The following ACVR1 variants were observed in gnomAD, a reference collection of about 807,000 sequenced individuals.
The protein encoded by ACVR1 is activin receptor type-1.
In ACVR1, 38 loss-of-function variants were observed where a neutral mutation model predicts 57.1. The ratio of observed to expected loss-of-function variants is 0.67; its 90% CI spans 0.51 to 0.87. The LOEUF (loss-of-function observed/expected upper bound fraction) is 0.87. ACVR1 is among the 40% of genes least tolerant of loss of function. The pLI, the probability that ACVR1 is intolerant of heterozygous loss-of-function variation, is 0.00. For missense variants in ACVR1, 463 were observed against 638.2 expected (o/e 0.73, Z 2.96); for synonymous variants, 212 against 228.1 (o/e 0.93, Z 0.63).
chr2:157,827,482 T>C (rs77478108), intron 1 of ACVR1, among the ~76,000 whole-genome samples: 1,627 of 152,344 alleles, frequency 0.011, 29 homozygotes, highest in African/African-American at 0.037. Flanking sequence ...ATGAATTGTA[T>C]AAGTGTTTGC....
chr2:157,800,568 T>A (rs924940386), intron 2 of ACVR1, among the ~76,000 whole-genome samples: 1 of 152,188 alleles, frequency 6.6e-6, no homozygotes, highest in Non-Finnish European at 1.5e-5. Context: ...TCACTTAAAT[T>A]TATTTCTCTT....
chr2:157,805,820 C>CTTTTTTTTTTTTTTTT (rs1222482675), intron 2 of ACVR1, among the ~76,000 whole-genome samples: 1 of 30,178 alleles, frequency 3.3e-5, no homozygotes, highest in African/African-American at 5.4e-5. Context: ...TTTCTTTTTT[C>CTTTTTTTTTTTTTTTT]TTTTTTTTTT....
intron 3 of ACVR1, among the ~76,000 whole-genome samples, chr2:157,794,726 C>T (rs1425874672): frequency 2.0e-5 from 3 of 152,120 alleles, no homozygotes; most frequent in Non-Finnish European, 4.4e-5. Context: ...ATATCTGGTG[C>T]ATTTTAAGCA....
chr2:157,857,148 T>C (rs997679174), intron 1 of ACVR1, among the ~76,000 whole-genome samples: 1 of 152,070 alleles, frequency 6.6e-6, no homozygotes, highest in Non-Finnish European at 1.5e-5. Context: ...CAGTGAGCCA[T>C]GATTGTGCCA....
At chr2:157,785,863 T>C (rs1214962707) in intron 3 of ACVR1, among the ~76,000 whole-genome samples, 1 of 152,180 alleles carries the variant, frequency 6.6e-6, no homozygotes, top group Non-Finnish European at 1.5e-5. Context: ...TCCCATTCAT[T>C]CAGATACACA....
rs183790503 is a variant in ACVR1, at chr2:157,842,151, A to G, written c.-182-23592T>C. On this transcript the variant is annotated intron_variant, in intron 1 of 10. Transcript: ENST00000434821. Reference sequence around the variant, plus strand: ...TACAATCACTGTCAAAAGAAAAAGTAGAACCCCCAACAGTCCAATACTGAA... The same window carrying G: ...TACAATCACTGTCAAAAGAAAAAGTGGAACCCCCAACAGTCCAATACTGAA... 2.8e-3 allele frequency among the ~76,000 whole-genome samples: 424 copies of G among 152,260 alleles called. 1 individual carries two copies. The highest frequency in any genetic ancestry group is 9.4e-3 in the African/African-American group (390 of 41,556).
chr2:157,761,553 A>G (rs1037490608), intron 8 of ACVR1, among the ~76,000 whole-genome samples: 4 of 152,248 alleles, frequency 2.6e-5, no homozygotes, highest in African/African-American at 9.6e-5. Context: ...GATTGCTATA[A>G]GCACTGCTTT....
At chr2:157,797,284 C>A (rs1687158521) in intron 3 of ACVR1, among the ~76,000 whole-genome samples, 1 of 152,130 alleles carries the variant, frequency 6.6e-6, no homozygotes, top group Non-Finnish European at 1.5e-5. Context: ...GTATAATATT[C>A]TAAGTACTGA....
chr2:157,737,751 T>C, intron 10 of ACVR1, 86 bp from the exon 11 acceptor site: 2 of 1,546,992 alleles, frequency 1.3e-6, no homozygotes, highest in Non-Finnish European at 1.8e-6. Context: ...TCTACTATTC[T>C]GAAGAACTCG....
chr2:157,793,983 C>A lies in ACVR1; in HGVS notation c.67+5444G>T, dbSNP rs1026993114. Reference sequence around the variant, plus strand: ...AGTCTTCTCTAGAACAGGCCGAAATCTCTTGCGAAAAAATTCTGCATAAGT... The same window carrying A: ...AGTCTTCTCTAGAACAGGCCGAAATATCTTGCGAAAAAATTCTGCATAAGT... On this transcript the variant is annotated intron_variant, in intron 3 of 10. Coordinates refer to ENST00000434821, the MANE Select transcript of ACVR1 (RefSeq NM_001111067.4). 9.2e-5 allele frequency among the ~76,000 whole-genome samples: 14 copies of A among 152,326 alleles called. 1 individual carries two copies. The highest frequency in any genetic ancestry group is 7.8e-4 in the Admixed American group (12 of 15,300).
rs779539622 is a variant in ACVR1, at chr2:157,760,865, A to T, written c.1264+15T>A. 6.2e-7 allele frequency: 1 copy of T among 1,612,896 alleles called. No homozygotes were observed. Among genetic ancestry groups the T allele is most frequent in the African/African-American group, 1.3e-5 (1 of 74,896 alleles). ...ACTTGGATTAAGACAATATTATATTAGATTAGATACCTACCATTGCTCACC... is the reference window on the plus strand; with the variant it reads ...ACTTGGATTAAGACAATATTATATTTGATTAGATACCTACCATTGCTCACC... On this transcript the variant is annotated intron_variant, in intron 9 of 10. Coordinates refer to ENST00000434821, the MANE Select transcript of ACVR1 (RefSeq NM_001111067.4).
intron 2 of ACVR1, among the ~76,000 whole-genome samples, chr2:157,808,727 G>A (rs1242372965): frequency 2.0e-5 from 3 of 152,008 alleles, no homozygotes; most frequent in African/African-American, 7.3e-5. Context: ...CTCCCCTGAA[G>A]GCTTCTAACA....
In ACVR1 at chr2:157,871,766, T is replaced by C. The variant is rs115167308; in HGVS notation, c.-183+4030A>G. Among the ~76,000 whole-genome samples the C allele has an allele frequency of 3.7e-4, 56 of 152,302 alleles. No homozygotes were observed. In the South Asian group the frequency reaches 9.3e-3, roughly 25 times the overall value. On this transcript the variant is annotated intron_variant, in intron 1 of 10. Coordinates refer to ENST00000434821, the MANE Select transcript of ACVR1 (RefSeq NM_001111067.4). ...CAGGAATAGTATTCGAATGTGTGGTTAGTTTGAATATTAGGGGCAGAGGGT... is the reference window on the plus strand; with the variant it reads ...CAGGAATAGTATTCGAATGTGTGGTCAGTTTGAATATTAGGGGCAGAGGGT...
In ACVR1 at chr2:157,781,989, T is replaced by C. The variant is rs1686541233; in HGVS notation, c.68-1389A>G. ...TGCCTTCTAATCCCTGAACCCTCAG[T>C]AGTGGGTCTAGGAGATAAATGCTTC... On this transcript the variant is annotated intron_variant, in intron 3 of 10. Transcript: ENST00000434821. Among the ~76,000 whole-genome samples the C allele has an allele frequency of 2.0e-5, 3 of 152,164 alleles. No homozygotes were observed. The South Asian group carries it at 6.2e-4, about 31-fold the overall frequency.
At chr2:157,840,576 G>C (rs1688941990) in intron 1 of ACVR1, among the ~76,000 whole-genome samples, 1 of 152,238 alleles carries the variant, frequency 6.6e-6, no homozygotes, top group Non-Finnish European at 1.5e-5. Flanking sequence ...TATTTGACCT[G>C]AACTCAGAGA....
Position 157,760,937 on chromosome 2 carries a change from C to A in ACVR1, c.1207G>T (p.Asp403Tyr). ...AAAACAAGTCCAAAGGCCCAAATAT[C>A]GACCCTTTTATAAGAATCGAAACAA... is the stretch of plus-strand genomic sequence containing the variant. ...VDCFDSYKRV[D>Y]IWAFGLVLWE... Residue 403 changes from aspartate to tyrosine, a missense_variant, in exon 9 of 11, where the codon GAT becomes TAT. Asp to Tyr is a radical substitution (Grantham distance 160, BLOSUM62 -3). Around this residue, in one of 3 missense-constraint regions of ACVR1, gnomAD observed 146 missense variants for 186.6 expected, o/e 0.78. Transcript: ENST00000434821. 1 of 1,614,148 alleles carries A rather than the reference C, an allele frequency of 6.2e-7. No homozygotes were observed. The highest frequency in any genetic ancestry group is 8.5e-7 in the Non-Finnish European group (1 of 1,180,014).
chr2:157,752,721 G>A (rs1685255535), intron 9 of ACVR1, among the ~76,000 whole-genome samples: 1 of 152,098 alleles, frequency 6.6e-6, no homozygotes, highest in African/African-American at 2.4e-5. Context: ...GGAAAGATTC[G>A]GTCTTTTTCA....
chr2:157,739,786 A>G (rs1574002731), intron 9 of ACVR1, among the ~76,000 whole-genome samples: 1 of 152,252 alleles, frequency 6.6e-6, no homozygotes, highest in South Asian at 2.1e-4. Flanking sequence ...AAGATTAGAT[A>G]TAAGGAGCAT....
At chr2:157,813,768 G>A (rs986168415) in intron 2 of ACVR1, among the ~76,000 whole-genome samples, 1 of 152,118 alleles carries the variant, frequency 6.6e-6, no homozygotes, top group Non-Finnish European at 1.5e-5. Context: ...TGTGTTCTTT[G>A]AACCATAGCA....
Sources: gnomAD v4.1 joint callset for allele counts (sites outside exome capture counted in the v4.1 genomes callset) on GRCh38, gnomAD v4.1.1 for gene constraint, gnomAD v4.1.1 regional missense constraint, MANE v1.5 for transcripts, NCBI Gene and HGNC (gene_info 2026-07-23, HGNC 2026-07-21) for gene names.